LTBP1: variants seen among roughly 807,000 people sequenced by gnomAD.
LTBP1 encodes latent-transforming growth factor beta-binding protein 1.
A neutral mutation model predicts 207.6 loss-of-function variants in LTBP1; 129 were observed. The observed-to-expected ratio is 0.62, with a 90% confidence interval of 0.54 to 0.72. LTBP1 has a LOEUF of 0.72. Among genes scored for constraint, LTBP1 ranks in the 30% least tolerant of loss-of-function variants. The probability of loss-of-function intolerance (pLI) is 0.00; values close to 1 mark genes in which losing one functional copy is unlikely to be tolerated. For synonymous variants in LTBP1, 963 were observed against 833.7 expected, an observed-to-expected ratio of 1.16 and a Z score of -2.67; for missense variants, 2,281 against 2,217.2, an observed-to-expected ratio of 1.03 and a Z score of -0.58.
At chr2:33,347,340 T>C in intron 25 of LTBP1, 27 bp from the exon 26 acceptor site, 1 of 1,613,854 alleles carries the variant, frequency 6.2e-7, no homozygotes, top group South Asian at 1.1e-5. Flanking sequence ...GGCACACATC[T>C]CACTTGGTCT....
intron 7 of LTBP1, among the ~76,000 whole-genome samples, chr2:33,199,330 A>G (rs915451734): frequency 1.1e-4 from 16 of 152,140 alleles, no homozygotes; most frequent in African/African-American, 3.6e-4. Context: ...TATGTGGTCA[A>G]TTTTGGACTA....
rs141910915 is a variant in LTBP1, at chr2:33,025,453, T to C, written c.863+4247T>C. 4.4e-3 allele frequency among the ~76,000 whole-genome samples: 668 copies of C among 152,220 alleles called. 8 individuals carry two copies. Among genetic ancestry groups the C allele is most frequent in the African/African-American group, 0.015 (619 of 41,538 alleles). On this transcript the variant is annotated intron_variant, in intron 3 of 33. Coordinates refer to ENST00000404816, the MANE Select transcript of LTBP1 (RefSeq NM_206943.4). Reference sequence around the variant, plus strand: ...AAAAGACACAAAATAGAGAAAAAAGTAATGGAAGGACGCCTCGTAGCTTAA... The same window carrying C: ...AAAAGACACAAAATAGAGAAAAAAGCAATGGAAGGACGCCTCGTAGCTTAA...
intron 5 of LTBP1, among the ~76,000 whole-genome samples, chr2:33,135,733 G>GGAATGCT (rs2150607005): frequency 6.6e-6 from 1 of 152,302 alleles, no homozygotes; most frequent in South Asian, 2.1e-4. Context: ...TGTGGTCCAC[G>GGAATGCT]GAATGCTGTC....
chr2:33,272,328 C>G (rs1018835452), intron 15 of LTBP1, among the ~76,000 whole-genome samples: 3 of 152,198 alleles, frequency 2.0e-5, no homozygotes, highest in Non-Finnish European at 4.4e-5. Context: ...CCACAGACCT[C>G]TCTAACAAAG....
rs527857686 is a variant in LTBP1, at chr2:33,261,132, G to A, written c.2418+1522G>A. On this transcript the variant is annotated intron_variant, in intron 13 of 33. Transcript: ENST00000404816. ...TAGGGACTGCTTTGGAAGGCTTAGA[G>A]TACCAAACTGCCATTGTAATCAGTG... Among the ~76,000 whole-genome samples the A allele has an allele frequency of 2.6e-5, 4 of 152,300 alleles. No homozygotes were observed. In the East Asian group the frequency reaches 7.7e-4, roughly 29 times the overall value.
intron 7 of LTBP1, among the ~76,000 whole-genome samples, chr2:33,198,255 A>T (rs541556904): frequency 8.1e-4 from 123 of 152,272 alleles, no homozygotes; most frequent in African/African-American, 2.9e-3. Flanking sequence ...AGCCCACTTG[A>T]TCATGGTGGA....
intron 17 of LTBP1, 92 bp downstream of exon 17, chr2:33,275,182 C>A: frequency 1.4e-6 from 2 of 1,451,666 alleles, no homozygotes; most frequent in Non-Finnish European, 1.9e-6. Flanking sequence ...ATCCAGACAA[C>A]CCAGAATTTT....
chr2:32,948,753 C>G, intron 1 of LTBP1, 122 bp from the exon 2 acceptor site: 1 of 903,184 alleles, frequency 1.1e-6, no homozygotes, highest in Non-Finnish European at 1.8e-6. Flanking sequence ...CCTGTTAGGA[C>G]TCTCTCTCAT....
At position 33,043,445 on chromosome 2, in the gene LTBP1, G is replaced by A. The variant is rs184228749; in HGVS notation, c.863+22239G>A. ...AATTTATAGGCTGGGTCTAATATATGCATCTTGCCATGCTATATTTTGGAG... is the reference window on the plus strand; with the variant it reads ...AATTTATAGGCTGGGTCTAATATATACATCTTGCCATGCTATATTTTGGAG... On this transcript the variant is annotated intron_variant, in intron 3 of 33. Transcript: ENST00000404816. 4.0e-3 allele frequency among the ~76,000 whole-genome samples: 605 copies of A among 152,200 alleles called. 4 individuals carry two copies. The highest frequency in any genetic ancestry group is 0.014 in the African/African-American group (564 of 41,530).
intron 32 of LTBP1, among the ~76,000 whole-genome samples, chr2:33,394,842 A>G (rs906660177): frequency 6.6e-6 from 1 of 152,160 alleles, no homozygotes; most frequent in Non-Finnish European, 1.5e-5. Context: ...TTCCGTGAAG[A>G]AAGTCATTGC....
intron 24 of LTBP1, among the ~76,000 whole-genome samples, chr2:33,316,898 A>G (rs1426411579): frequency 1.3e-5 from 2 of 152,178 alleles, no homozygotes; most frequent in African/African-American, 2.4e-5. Context: ...TAAATCATGG[A>G]TGGTAAAGGC....
chr2:33,265,049 T>C (rs1280881564), intron 15 of LTBP1, among the ~76,000 whole-genome samples: 1 of 152,188 alleles, frequency 6.6e-6, no homozygotes, highest in African/African-American at 2.4e-5. Context: ...GTAGAGCAGA[T>C]TGCCTTCCTC....
intron 7 of LTBP1, among the ~76,000 whole-genome samples, chr2:33,191,431 C>T (rs1415175320): frequency 6.6e-6 from 1 of 152,192 alleles, no homozygotes; most frequent in Non-Finnish European, 1.5e-5. Context: ...CTCACTCATA[C>T]ACAGCTTCAA....
rs550568705 is a variant in LTBP1 at position 33,035,025 on chromosome 2, G to A, written c.863+13819G>A. The stretch of plus-strand genomic sequence containing the variant: ...TGTCATTTCTTGGCAGTGCAACCTC[G>A]AACCACCTTCTTTGCTCATTGTGCA... On this transcript the variant is annotated intron_variant, in intron 3 of 33. Coordinates refer to ENST00000404816, the MANE Select transcript of LTBP1 (RefSeq NM_206943.4). Among the ~76,000 whole-genome samples the A allele has an allele frequency of 2.6e-5, 4 of 152,242 alleles. 1 individual carries two copies. In the South Asian group the frequency reaches 8.3e-4, roughly 32 times the overall value.
intron 3 of LTBP1, among the ~76,000 whole-genome samples, chr2:33,077,318 A>G (rs1035451955): frequency 1.3e-5 from 2 of 152,250 alleles, no homozygotes; most frequent in Admixed American, 6.5e-5. Context: ...GGAAAAGCGT[A>G]TAAGTCCGTT....
chr2:33,214,110 A>G (rs1389877988), intron 7 of LTBP1, among the ~76,000 whole-genome samples: 1 of 152,254 alleles, frequency 6.6e-6, no homozygotes, highest in Non-Finnish European at 1.5e-5. Flanking sequence ...ATGAACCTAA[A>G]GAGTCCAGTA....
In LTBP1 at chr2:32,947,314, TG is replaced by T; in HGVS notation, c.-7del. On this transcript the variant is annotated 5_prime_UTR_variant, in exon 1 of 34. Transcript: ENST00000404816. ...ACCGCGCGCGACCGGTCGCGCCCGCTGGGGCCCGCGATGGCGGGGGCCTGGC... is the reference window on the plus strand; with the variant it reads ...ACCGCGCGCGACCGGTCGCGCCCGCTGGGCCCGCGATGGCGGGGGCCTGGC... 8.4e-7 allele frequency: 1 copy of T among 1,190,032 alleles called. No homozygotes were observed. Among genetic ancestry groups the T allele is most frequent in the South Asian group, 3.5e-5 (1 of 28,432 alleles). The allele number at this position is 1,190,032 out of a possible 1,614,324, so 73.7% of individuals were successfully genotyped here. A position where few individuals can be genotyped will look rare whatever the true frequency, so the allele number is the denominator to read the frequency against.
At chr2:32,958,985 T>C (rs140012102) in intron 2 of LTBP1, among the ~76,000 whole-genome samples, 2 of 152,352 alleles carry the variant, frequency 1.3e-5, no homozygotes, top group African/African-American at 4.8e-5. Context: ...TGTTGTATGA[T>C]TTTCCCTGTA....
At chr2:32,962,110 A>G (rs932159961) in intron 2 of LTBP1, among the ~76,000 whole-genome samples, 5 of 152,128 alleles carry the variant, frequency 3.3e-5, no homozygotes, top group African/African-American at 9.7e-5. Context: ...CCCATTTTCA[A>G]TGAGTTTTTG....
Sources: allele counts gnomAD v4.1 joint callset (sites outside exome capture counted in the v4.1 genomes callset), GRCh38; gene constraint gnomAD v4.1.1; transcripts MANE v1.5; gene names NCBI Gene and HGNC (gene_info 2026-07-23, HGNC 2026-07-21).